The following TTN variants were observed in gnomAD, a reference collection of about 807,000 sequenced individuals.
TTN encodes the protein titin.
Under a neutral mutation model 3,223.0 loss-of-function variants are expected in TTN, and 1,525 were observed. The ratio of observed to expected loss-of-function variants is 0.47; its 90% CI spans 0.45 to 0.49. The LOEUF (loss-of-function observed/expected upper bound fraction) is 0.49, where lower values mean the gene tolerates loss of function less well. TTN is among the 20% of genes least tolerant of loss of function. The pLI is 0.00. For missense variants in TTN, 40,786 were observed against 43,424.0 expected (o/e 0.94, Z 5.40); for synonymous variants, 14,094 against 15,161.0 (o/e 0.93, Z 5.17).
chr2:178,736,786 T>G lies in TTN; in HGVS notation c.14372-712A>C, dbSNP rs547228130. Among the ~76,000 whole-genome samples, 3 of 152,296 alleles carry G rather than the reference T, an allele frequency of 2.0e-5. 1 individual carries two copies. In the South Asian group the frequency reaches 6.2e-4, roughly 32 times the overall value. On this transcript the variant is annotated intron_variant, in intron 49 of 362. Transcript: ENST00000589042. ...AAACGCGTCAGTATGAATAATATCA[T>G]GTACTTGGTTTTATGGAGACATTTT...
Position 178,566,807 on chromosome 2 carries a change from G to A in TTN, c.79325C>T (p.Thr26442Ile), listed in dbSNP as rs1288656149. 2 of 1,613,206 alleles carry A rather than the reference G, an allele frequency of 1.2e-6. No homozygotes were observed. Among genetic ancestry groups the A allele is most frequent in the South Asian group, 2.2e-5 (2 of 91,088 alleles). ...RWIKCNKRRI[T>I]DLRLRVTGLT... ...TCCTGTCACTCTTAGACGCAAATCT[G>A]TAATGCGGCGTTTATTACATTTTAT... is the stretch of plus-strand genomic sequence containing the variant. Residue 26442 changes from threonine (T) to isoleucine (I), a missense_variant, in exon 326 of 363, where the codon ACA (threonine) becomes ATA (isoleucine). Thr to Ile is a moderately conservative substitution (Grantham distance 89, BLOSUM62 -1). Coordinates refer to ENST00000589042, the MANE Select transcript of TTN (RefSeq NM_001267550.2).
intron 150 of TTN, among the ~76,000 whole-genome samples, 199 bp downstream of exon 150, chr2:178,674,836 AACAG>A (rs2067692284): frequency 6.6e-6 from 1 of 151,824 alleles, no homozygotes; most frequent in African/African-American, 2.4e-5. Flanking sequence ...ACAAATAGCA[AACAG>A]ACAAACAGGC....
In TTN at chr2:178,571,330, A is replaced by C. The variant is rs1345094321; in HGVS notation, c.74802T>G (p.Ser24934Arg). ...AGCCAATGACTCTACTTCCTCCATC[A>C]CTGATTGGCTCATTCCATTGTACTT... is the stretch of plus-strand genomic sequence containing the variant. The part of the protein sequence containing the change: ...SMEVQWNEPI[S>R]DGGSRVIGYH... Residue 24934 changes from serine to arginine, a missense_variant, in exon 326 of 363, where the codon AGT (serine) becomes AGG (arginine). By Grantham distance (110) the Ser-to-Arg change is moderately radical. Transcript: ENST00000589042. 1 of 1,613,296 alleles carries C rather than the reference A, an allele frequency of 6.2e-7. No individual in the cohort carries two copies. Among genetic ancestry groups the C allele is most frequent in the South Asian group, 1.1e-5 (1 of 91,066 alleles).
chr2:178,653,335 A>G lies in TTN; in HGVS notation c.38708-14T>C, dbSNP rs1467628147. The G allele has an allele frequency of 1.9e-6, 3 of 1,611,594 alleles. No individual in the cohort carries two copies. Among genetic ancestry groups the G allele is most frequent in the African/African-American group, 1.3e-5 (1 of 74,876 alleles). On this transcript the variant is annotated splice_polypyrimidine_tract_variant and intron_variant, in intron 197 of 362. Coordinates refer to ENST00000589042, the MANE Select transcript of TTN (RefSeq NM_001267550.2). The stretch of plus-strand genomic sequence containing the variant: ...GAGCCTCTGGCACTTAAAAGATATT[A>G]GTAAAGTTACATGTAGAGCTATGGA...
chr2:178,573,282 C>G lies in TTN; in HGVS notation c.72850G>C (p.Val24284Leu). 1 of 1,595,154 alleles carries G rather than the reference C, an allele frequency of 6.3e-7. No homozygotes were observed. The highest frequency in any genetic ancestry group is 8.5e-7 in the Non-Finnish European group (1 of 1,170,986). The change falls in exon 326 of 363, where the codon GTG becomes CTG. Residue 24284 changes from valine (V) to leucine (L), a missense_variant. By Grantham distance (32) the Val-to-Leu change is conservative. Transcript: ENST00000589042. The stretch of plus-strand genomic sequence containing the variant: ...TCATGTCCTTCTGTCAGTCCAGACA[C>G]TTTATATCTTAAATCAGTAAGAGTT... ...KKTLTDLRYK[V>L]SGLTEGHEYE...
chr2:178,548,400 TGAA>T lies in TTN; in HGVS notation c.93223_93225del (p.Phe31075del). The T allele has an allele frequency of 6.2e-7, 1 of 1,613,842 alleles. No homozygotes were observed. Among genetic ancestry groups the T allele is most frequent in the South Asian group, 1.1e-5 (1 of 91,084 alleles). On this transcript the variant is annotated inframe_deletion, in exon 339 of 363. Transcript: ENST00000589042. The surrounding 1 kb of genome is among the most constrained non-coding windows in gnomAD (Gnocchi z 4.3). The stretch of plus-strand genomic sequence containing the variant: ...ACACCTTCGGCCAGGTCATTGACCT[TGAA>T]GATCTGACGAGTGCATTTTTCACTG...
chr2:178,576,073 T>G lies in TTN; in HGVS notation c.70059A>C (p.Thr23353=), dbSNP rs1174326827. The part of the protein sequence containing the change: ...DFELDAELRR[T]LVVRAGLSIR... ...TACTGAGTCCTGCTCTAACAACAAGTGTTCTTCGAAGCTCGGCATCTAGTT... is the reference window on the plus strand; with the variant it reads ...TACTGAGTCCTGCTCTAACAACAAGGGTTCTTCGAAGCTCGGCATCTAGTT... The change falls in exon 326 of 363, where the codon ACA becomes ACC. Residue 23353 remains threonine, a synonymous_variant. Transcript: ENST00000589042. This position sits in a 1 kb window ranked among gnomAD's most constrained non-coding sequence, Gnocchi z 4.3. The G allele has an allele frequency of 6.2e-7, 1 of 1,613,424 alleles. No individual in the cohort carries two copies.
In TTN at chr2:178,589,716, C is replaced by T. The variant is rs1307936736; in HGVS notation, c.62009G>A (p.Gly20670Asp). ...ILAINPIDRP[G>D]EPENLHIADK... is the part of the protein sequence containing the mutation. ...TGCAATGTGAAGGTTTTCAGGCTCA[C>T]CTGGTCTGTCAATAGGGTTAATAGC... The change falls in exon 304 of 363, where the codon GGT (glycine) becomes GAT (aspartate). Residue 20670 changes from glycine to aspartate, a missense_variant. Transcript: ENST00000589042. 1.9e-6 allele frequency: 3 copies of T among 1,613,388 alleles called. No homozygotes were observed. Among genetic ancestry groups the T allele is most frequent in the East Asian group, 4.5e-5 (2 of 44,804 alleles).
At position 178,573,036 on chromosome 2, in the gene TTN, C is replaced by T. The variant is rs1708815210; in HGVS notation, c.73096G>A (p.Glu24366Lys). 1 of 1,613,042 alleles carries T rather than the reference C, an allele frequency of 6.2e-7. No individual in the cohort carries two copies. Among genetic ancestry groups the T allele is most frequent in the African/African-American group, 1.3e-5 (1 of 74,876 alleles). The part of the protein sequence containing the change: ...TGYMVEIALP[E>K]EDEWQIVTPP... ...GTGACAATCTGCCATTCATCTTCCT[C>T]TGGCAGGGCAATCTCAACCATATAC... The change falls in exon 326 of 363, where the codon GAG becomes AAG. Residue 24366 changes from glutamate to lysine, a missense_variant. Physicochemically the swap from Glu to Lys is moderately conservative, Grantham distance 56 (BLOSUM62 1). Coordinates refer to ENST00000589042, the MANE Select transcript of TTN (RefSeq NM_001267550.2).
intron 142 of TTN, 124 bp from the exon 143 acceptor site, chr2:178,678,954 A>C: frequency 1.3e-6 from 1 of 779,860 alleles, no homozygotes; most frequent in Non-Finnish European, 2.0e-6. Flanking sequence ...TTAAGACTGA[A>C]AATTATAATA....
intron 149 of TTN, 51 bp from the exon 150 acceptor site, chr2:178,675,164 GAATA>G: frequency 7.9e-7 from 1 of 1,258,100 alleles, no homozygotes; most frequent in Non-Finnish European, 1.1e-6. Context: ...AACCAAAGAA[GAATA>G]AAGACCACGT....
chr2:178,652,167 G>C lies in TTN; in HGVS notation c.39224C>G (p.Pro13075Arg). 2 of 1,612,096 alleles carry C rather than the reference G, an allele frequency of 1.2e-6. No individual in the cohort carries two copies. Among genetic ancestry groups the C allele is most frequent in the Non-Finnish European group, 1.7e-6 (2 of 1,179,598 alleles). ...CTTCTTTTCTGGGACAGCTACCTTT[G>C]GCACCTCTGGGACTTTAAAAGATAT... is the stretch of plus-strand genomic sequence containing the variant. ...EVPPTKVPEV[P>R]KVAVPEKKVP... is the part of the protein sequence containing the mutation. The change falls in exon 204 of 363, where the codon CCA (proline) becomes CGA (arginine). Residue 13075 changes from proline (P) to arginine (R), a missense_variant. Pro to Arg is a moderately radical substitution (Grantham distance 103). Coordinates refer to ENST00000589042, the MANE Select transcript of TTN (RefSeq NM_001267550.2).
At position 178,719,216 on chromosome 2, in the gene TTN, C is replaced by A. The variant is rs1553904651; in HGVS notation, c.24174G>T (p.Val8058=). Residue 8058 remains valine, a synonymous_variant, in exon 83 of 363, where the codon GTG becomes GTT. Coordinates refer to ENST00000589042, the MANE Select transcript of TTN (RefSeq NM_001267550.2). Reference sequence around the variant, plus strand: ...CATCGGAACCAGCTACATTGGCAGCCACACACGTGTATATGCCTGTGTCGG... The same window carrying A: ...CATCGGAACCAGCTACATTGGCAGCAACACACGTGTATATGCCTGTGTCGG... ...EPSDTGIYTC[V]AANVAGSDEC... The A allele has an allele frequency of 6.2e-7, 1 of 1,613,750 alleles. No homozygotes were observed. The highest frequency in any genetic ancestry group is 8.5e-7 in the Non-Finnish European group (1 of 1,179,738).
rs1060500573 is a variant in TTN, at chr2:178,709,824, G to A, written c.28495C>T (p.Leu9499Phe). Residue 9499 changes from leucine (L) to phenylalanine (F), a missense_variant, in exon 99 of 363, where the codon CTC becomes TTC. By Grantham distance (22) the Leu-to-Phe change is conservative. Coordinates refer to ENST00000589042, the MANE Select transcript of TTN (RefSeq NM_001267550.2). ...TCTGTTTCTTCTACTGTCTCTGAGA[G>A]TCTTTTAGTGAAACTTGGTGGGATG... ...RLIPPSFTKR[L>F]SETVEETEGN... 5 of 1,612,328 alleles carry A rather than the reference G, an allele frequency of 3.1e-6. No homozygotes were observed. The highest frequency in any genetic ancestry group is 2.2e-5 in the South Asian group (2 of 90,978).
rs776649477 is a variant in TTN at position 178,549,308 on chromosome 2, C to T, written c.92318G>A (p.Arg30773Gln). ...STRWVKVISKRPISETRFKVT... is the reference protein window; with the variant it reads ...STRWVKVISKQPISETRFKVT... ...TTTGAATCTTGTTTCAGAGATTGGT[C>T]GTTTGCTGATCACTTTTACCCATCT... The change falls in exon 339 of 363, where the codon CGA (arginine) becomes CAA (glutamine). Residue 30773 changes from arginine to glutamine, a missense_variant. Physicochemically the swap from Arg to Gln is conservative, Grantham distance 43. Coordinates refer to ENST00000589042, the MANE Select transcript of TTN (RefSeq NM_001267550.2). 10 of 1,613,790 alleles carry T rather than the reference C, an allele frequency of 6.2e-6. No homozygotes were observed. The highest frequency in any genetic ancestry group is 2.2e-5 in the East Asian group (1 of 44,888).
At position 178,578,592 on chromosome 2, in the gene TTN, A is replaced by C. The variant is rs1380148334; in HGVS notation, c.68329+19T>G. ...GGAATCTTGATGTAAAAGCTGTAGG[A>C]TAAGAACAAACAAAATACCTGTAAT... On this transcript the variant is annotated intron_variant, in intron 321 of 362. Coordinates refer to ENST00000589042, the MANE Select transcript of TTN (RefSeq NM_001267550.2). 1.9e-6 allele frequency: 3 copies of C among 1,576,998 alleles called. No individual in the cohort carries two copies. Among genetic ancestry groups the C allele is most frequent in the Non-Finnish European group, 2.6e-6 (3 of 1,150,462 alleles).
At position 178,756,444 on chromosome 2, in the gene TTN, G is replaced by C. The variant is rs552438291; in HGVS notation, c.11032C>G (p.Gln3678Glu). ...TCATCTTTTAAAACACAGAGGAATT[G>C]AGCCGTGTCACCGCACTTTACAGTG... ...DVTVKCGDTA[Q>E]FLCVLKDDSF... Residue 3678 changes from glutamine to glutamate, a missense_variant, in exon 46 of 363, where the codon CAA (glutamine) becomes GAA (glutamate). Gln to Glu is a conservative substitution (Grantham distance 29). Transcript: ENST00000589042. The C allele has an allele frequency of 6.2e-6, 10 of 1,613,680 alleles. No homozygotes were observed. Among genetic ancestry groups the C allele is most frequent in the Non-Finnish European group, 8.5e-6 (10 of 1,179,816 alleles).
intron 294 of TTN, among the ~76,000 whole-genome samples, chr2:178,596,887 A>G (rs1212113179): frequency 6.6e-6 from 1 of 152,076 alleles, no homozygotes; most frequent in Non-Finnish European, 1.5e-5. Context: ...AAAAAGCCTC[A>G]TAGAGTTCAA....
rs376457991 is a variant in TTN, at chr2:178,595,659, G to A, written c.57695C>T (p.Thr19232Ile). 4.4e-6 allele frequency: 7 copies of A among 1,608,202 alleles called. No homozygotes were observed. The South Asian group carries it at 4.5e-5, about 10-fold the overall frequency. Residue 19232 changes from threonine (T) to isoleucine (I), a missense_variant, in exon 295 of 363, where the codon ACC becomes ATC. Physicochemically the swap from Thr to Ile is moderately conservative, Grantham distance 89. Transcript: ENST00000589042. Reference sequence around the variant, plus strand: ...TCGGGTAACTGTATATGTCACTGGGGTCCATGCTCTGCGGTCAGATTCACG... The same window carrying A: ...TCGGGTAACTGTATATGTCACTGGGATCCATGCTCTGCGGTCAGATTCACG... Reference protein sequence around the residue: ...EKRESDRRAWTPVTYTVTRQN... With the variant: ...EKRESDRRAWIPVTYTVTRQN...
Sources: allele counts gnomAD v4.1 joint callset (sites outside exome capture counted in the v4.1 genomes callset), GRCh38; gene constraint gnomAD v4.1.1; non-coding constraint Gnocchi (gnomAD v3.1); transcripts MANE v1.5; gene names NCBI Gene and HGNC (gene_info 2026-07-23, HGNC 2026-07-21).